SDK1: variants seen among roughly 807,000 people sequenced by gnomAD.
The protein encoded by SDK1 is sidekick cell adhesion molecule 1.
In SDK1, 157 loss-of-function variants were observed where a neutral mutation model predicts 245.5. The ratio of observed to expected loss-of-function variants is 0.64; its 90% CI spans 0.56 to 0.73. The LOEUF (loss-of-function observed/expected upper bound fraction) is 0.73, where lower values mean the gene tolerates loss of function less well. SDK1 is among the 30% of genes least tolerant of loss of function. The pLI, the probability that SDK1 is intolerant of heterozygous loss-of-function variation, is 0.00. For synonymous variants in SDK1, 1,647 were observed against 1,278.5 expected (o/e 1.29, Z -6.15); for missense variants, 3,583 against 3,002.3 (o/e 1.19, Z -4.52).
At chr7:4,215,386 C>T (rs772637029) in intron 38 of SDK1, among the ~76,000 whole-genome samples, 4 of 152,252 alleles carry the variant, frequency 2.6e-5, no homozygotes, top group Admixed American at 6.5e-5. Flanking sequence ...CCACGGGATT[C>T]GCTTCAGCCA....
At chr7:3,866,430 G>C (rs957960525) in intron 5 of SDK1, among the ~76,000 whole-genome samples, 1 of 152,172 alleles carries the variant, frequency 6.6e-6, no homozygotes, top group Non-Finnish European at 1.5e-5. Flanking sequence ...ATGAAAGGGG[G>C]CCAAGTGATT....
chr7:4,044,483 C>G (rs924729617), intron 17 of SDK1, among the ~76,000 whole-genome samples: 1 of 152,188 alleles, frequency 6.6e-6, no homozygotes, highest in Non-Finnish European at 1.5e-5. Context: ...GGGCCTTACT[C>G]TGTTGCTTGG....
At chr7:3,504,182 A>ATATGTGTGTGTG (rs375661314) in intron 1 of SDK1, among the ~76,000 whole-genome samples, 10 of 131,942 alleles carry the variant, frequency 7.6e-5, no homozygotes, top group East Asian at 4.3e-4. Flanking sequence ...ATATATATAT[A>ATATGTGTGTGTG]TGTGTGTGTG....
At chr7:4,149,121 A>C (rs1234516432) in intron 29 of SDK1, 141 bp from the exon 30 acceptor site, 1 of 496,908 alleles carries the variant, frequency 2.0e-6, no homozygotes, top group Non-Finnish European at 3.3e-6. Flanking sequence ...CAAGGAAGGG[A>C]CTGGCTTCAG....
At chr7:3,694,777 G>C (rs922932926) in intron 4 of SDK1, among the ~76,000 whole-genome samples, 1 of 152,088 alleles carries the variant, frequency 6.6e-6, no homozygotes, top group African/African-American at 2.4e-5. Context: ...AACATCCCTG[G>C]TAATTCCTAT....
chr7:3,855,745 A>T (rs902370279), intron 5 of SDK1, among the ~76,000 whole-genome samples: 4 of 152,182 alleles, frequency 2.6e-5, no homozygotes, highest in Non-Finnish European at 5.9e-5. Flanking sequence ...CAAACAAAAA[A>T]CTTACAACAC....
chr7:3,893,722 A>T (rs969988141), intron 5 of SDK1, among the ~76,000 whole-genome samples: 1 of 151,174 alleles, frequency 6.6e-6, no homozygotes, highest in Admixed American at 6.6e-5. Flanking sequence ...CTCCACAGAC[A>T]TTCAGGATCT....
At chr7:4,234,380 G>A (rs1047649232) in intron 41 of SDK1, among the ~76,000 whole-genome samples, 3 of 152,290 alleles carry the variant, frequency 2.0e-5, no homozygotes, top group South Asian at 2.1e-4. Flanking sequence ...GAGAGCACCC[G>A]TGTTAGATGA....
intron 1 of SDK1, among the ~76,000 whole-genome samples, chr7:3,403,829 A>ATATATATG (rs1778957240): frequency 4.1e-5 from 1 of 24,556 alleles, no homozygotes; most frequent in East Asian, 1.3e-3. Flanking sequence ...TCTTACATAT[A>ATATATATG]TATATATATA....
chr7:4,002,270 G>C (rs1401258707), intron 14 of SDK1, among the ~76,000 whole-genome samples: 1 of 152,180 alleles, frequency 6.6e-6, no homozygotes, highest in East Asian at 1.9e-4. Flanking sequence ...GAGTGGCTCA[G>C]AGCAGGAGTG....
At chr7:3,321,525 T>A (rs1779801807) in intron 1 of SDK1, among the ~76,000 whole-genome samples, 3 of 152,218 alleles carry the variant, frequency 2.0e-5, no homozygotes, top group Admixed American at 1.3e-4. Context: ...TAAAAATCAT[T>A]GACATGAATG....
chr7:4,081,539 G>A (rs755535516), intron 22 of SDK1, among the ~76,000 whole-genome samples: 6 of 151,428 alleles, frequency 4.0e-5, no homozygotes, highest in Non-Finnish European at 7.4e-5. Context: ...CCCTGCCTCA[G>A]CCTCCCGAGT....
chr7:3,904,925 G>A (rs1781912387), intron 5 of SDK1, among the ~76,000 whole-genome samples: 1 of 151,702 alleles, frequency 6.6e-6, no homozygotes, highest in Non-Finnish European at 1.5e-5. Flanking sequence ...CCCGGGAGGT[G>A]GAGCTTTCAG....
intron 5 of SDK1, among the ~76,000 whole-genome samples, chr7:3,825,908 A>G (rs921077832): frequency 3.3e-5 from 5 of 152,224 alleles, no homozygotes; most frequent in Non-Finnish European, 1.5e-5. Context: ...AAATATTACT[A>G]AAAACCAATC....
chr7:3,543,878 T>C (rs1779127795), intron 1 of SDK1, among the ~76,000 whole-genome samples: 1 of 152,234 alleles, frequency 6.6e-6, no homozygotes, highest in African/African-American at 2.4e-5. Context: ...GGTTACTTGA[T>C]AGTACAAACA....
intron 5 of SDK1, among the ~76,000 whole-genome samples, chr7:3,920,152 G>C (rs140176074): frequency 6.6e-6 from 1 of 152,344 alleles, no homozygotes; most frequent in East Asian, 1.9e-4. Context: ...GAAAATGATG[G>C]AGAGCAGCAC....
In SDK1 at chr7:4,099,843, A is replaced by G. The variant is rs528929706; in HGVS notation, c.3325-10820A>G. Among the ~76,000 whole-genome samples, 638 of 151,538 alleles carry G rather than the reference A, an allele frequency of 4.2e-3. 5 individuals are homozygous for G. The highest frequency in any genetic ancestry group is 0.015 in the African/African-American group (615 of 41,348). The stretch of plus-strand genomic sequence containing the variant: ...TTGGGGGCTGGCTTGTTTTTATCTA[A>G]AAGCACCCCTAAGAAACCGTGGCTG... On this transcript the variant is annotated intron_variant, in intron 22 of 44. Coordinates refer to ENST00000404826, the MANE Select transcript of SDK1 (RefSeq NM_152744.4).
chr7:3,632,935 T>C (rs543811550), intron 2 of SDK1, among the ~76,000 whole-genome samples: 2 of 152,310 alleles, frequency 1.3e-5, no homozygotes, highest in Admixed American at 6.5e-5. Flanking sequence ...CTCATCCCAC[T>C]TTGGATTTTT....
chr7:4,248,848 CGCATGCATATATACACGT>C, intron 44 of SDK1, among the ~76,000 whole-genome samples: 1 of 152,248 alleles, frequency 6.6e-6, no homozygotes, highest in Non-Finnish European at 1.5e-5. Context: ...CATGCATGTA[CGCATGCATATATACACGT>C]GCATGCATAC....
Sources: allele counts gnomAD v4.1 joint callset (sites outside exome capture counted in the v4.1 genomes callset), GRCh38; gene constraint gnomAD v4.1.1; transcripts MANE v1.5; gene names NCBI Gene and HGNC (gene_info 2026-07-23, HGNC 2026-07-21).